The following RAP1GAP2 variants were observed in gnomAD, a reference collection of about 807,000 sequenced individuals.
The protein encoded by RAP1GAP2 is RAP1 GTPase activating protein 2, also known as rap1 GTPase-activating protein 2.
In RAP1GAP2, 27 loss-of-function variants were observed where a neutral mutation model predicts 95.0. That is an observed-to-expected ratio of 0.28 (90% CI 0.21 to 0.39). The LOEUF (loss-of-function observed/expected upper bound fraction) is 0.39, where lower values mean the gene tolerates loss of function less well. Ranked by LOEUF, RAP1GAP2 falls within the 10% of genes least tolerant of loss-of-function variation. The probability of loss-of-function intolerance (pLI) is 1.00; values close to 1 mark genes in which losing one functional copy is unlikely to be tolerated. For synonymous variants in RAP1GAP2, 373 were observed against 380.9 expected, an observed-to-expected ratio of 0.98 and a Z score of 0.24; for missense variants, 771 against 970.0, an observed-to-expected ratio of 0.79 and a Z score of 2.72.
At chr17:2,811,109 G>T (rs990002731) in intron 2 of RAP1GAP2, among the ~76,000 whole-genome samples, 1 of 152,110 alleles carries the variant, frequency 6.6e-6, no homozygotes, top group Non-Finnish European at 1.5e-5. Context: ...ACACTGGAAG[G>T]CTGCTTTTTC....
rs538717532 is a variant in RAP1GAP2, at chr17:2,977,138, GA to G, written c.597-3142del. ...AACTCCATCTCAAAAAAAAAAAAAA[GA>G]AAAAAAGAAAAGAAAAGATACAAAT... On this transcript the variant is annotated intron_variant, in intron 8 of 24. Coordinates refer to ENST00000254695, the MANE Select transcript of RAP1GAP2 (RefSeq NM_015085.5). Among the ~76,000 whole-genome samples the G allele has an allele frequency of 6.0e-3, 876 of 145,976 alleles. 8 individuals are homozygous for G. Among genetic ancestry groups the G allele is most frequent in the African/African-American group, 0.02 (808 of 39,976 alleles).
chr17:2,801,594 G>GGTGTGTGTGTGT (rs1482014787), intron 2 of RAP1GAP2, among the ~76,000 whole-genome samples: 4 of 125,962 alleles, frequency 3.2e-5, no homozygotes, highest in South Asian at 2.8e-4. Flanking sequence ...AACACTCCAG[G>GGTGTGTGTGTGT]GTATGTGTGT....
Position 2,963,835 on chromosome 17 carries a change from C to A in RAP1GAP2, c.280-21C>A. On this transcript the variant is annotated intron_variant, in intron 6 of 24. Transcript: ENST00000254695. The surrounding 1 kb of genome is among the most constrained non-coding windows in gnomAD (Gnocchi z 4.8). ...TCCCCTGCGGTCCCAGGGGAGCGCA[C>A]GACCCTCCCTCTGCCTTCAGGTTGT... is the stretch of plus-strand genomic sequence containing the variant. The A allele has an allele frequency of 6.4e-7, 1 of 1,553,624 alleles. No individual in the cohort carries two copies. Among genetic ancestry groups the A allele is most frequent in the Non-Finnish European group, 8.7e-7 (1 of 1,146,520 alleles).
chr17:2,928,013 C>G (rs899472851), intron 3 of RAP1GAP2, among the ~76,000 whole-genome samples: 2 of 152,166 alleles, frequency 1.3e-5, no homozygotes, highest in African/African-American at 4.8e-5. Flanking sequence ...ACGCTGCAGC[C>G]TAGAGGAGCT....
At chr17:2,772,963 AT>A (rs2068427450), upstream of RAP1GAP2, among the ~76,000 whole-genome samples, 1 of 148,618 alleles carries the variant, frequency 6.7e-6, no homozygotes, top group Non-Finnish European at 1.5e-5. Context: ...GGTTCAAATG[AT>A]TCTCCTGCCT....
At chr17:2,786,948 T>TGG (rs2068795345) in intron 1 of RAP1GAP2, among the ~76,000 whole-genome samples, 1 of 8,296 alleles carries the variant, frequency 1.2e-4, no homozygotes, top group African/African-American at 2.9e-4. Context: ...CTCCCAGCCT[T>TGG]TTTTTTTTTT....
At chr17:2,919,130 C>T (rs908626239) in intron 3 of RAP1GAP2, among the ~76,000 whole-genome samples, 1 of 152,090 alleles carries the variant, frequency 6.6e-6, no homozygotes, top group African/African-American at 2.4e-5. Context: ...GTGTGAGTGG[C>T]CTTCCAAGAG....
intron 2 of RAP1GAP2, among the ~76,000 whole-genome samples, chr17:2,865,286 CT>C (rs2072575921): frequency 1.3e-5 from 2 of 152,172 alleles, no homozygotes; most frequent in South Asian, 4.1e-4. Context: ...GAGTTAAGAA[CT>C]CTGGCACCCT....
intron 1 of RAP1GAP2, among the ~76,000 whole-genome samples, chr17:2,777,665 T>C (rs1258988013): frequency 6.6e-6 from 1 of 152,150 alleles, no homozygotes; most frequent in Non-Finnish European, 1.5e-5. Flanking sequence ...TCATTTGTTT[T>C]CTATAGCTCC....
At chr17:2,799,966 C>G (rs760610309) in intron 1 of RAP1GAP2, among the ~76,000 whole-genome samples, 7 of 152,156 alleles carry the variant, frequency 4.6e-5, no homozygotes, top group Non-Finnish European at 8.8e-5. Flanking sequence ...CTGATACAAC[C>G]CACCAGGGTC....
intron 2 of RAP1GAP2, among the ~76,000 whole-genome samples, chr17:2,876,657 T>C (rs1373372031): frequency 6.6e-6 from 1 of 152,190 alleles, no homozygotes. Context: ...CAAATGTTTC[T>C]TATAGACCTG....
At chr17:2,943,756 G>A (rs1266584332) in intron 3 of RAP1GAP2, among the ~76,000 whole-genome samples, 2 of 152,118 alleles carry the variant, frequency 1.3e-5, no homozygotes, top group African/African-American at 4.8e-5. Context: ...AGACATACAA[G>A]TGGTCAACAG....
chr17:2,992,299 T>G (rs1312220185), intron 12 of RAP1GAP2, among the ~76,000 whole-genome samples: 2 of 151,780 alleles, frequency 1.3e-5, no homozygotes, highest in African/African-American at 4.8e-5. Flanking sequence ...TAGCTGGGAC[T>G]ACAAGGCGCG....
chr17:2,844,542 C>T (rs930869802), intron 2 of RAP1GAP2, among the ~76,000 whole-genome samples: 7 of 152,206 alleles, frequency 4.6e-5, no homozygotes, highest in African/African-American at 1.7e-4. Context: ...TGCAGACCTG[C>T]AGTTGCTCAG....
At chr17:2,917,882 A>G (rs530259868) in intron 3 of RAP1GAP2, among the ~76,000 whole-genome samples, 3 of 148,094 alleles carry the variant, frequency 2.0e-5, no homozygotes, top group African/African-American at 7.5e-5. Context: ...CACCCAGCTA[A>G]TTTATGTATT....
At chr17:2,856,438 A>C (rs533865911) in intron 2 of RAP1GAP2, among the ~76,000 whole-genome samples, 1 of 152,320 alleles carries the variant, frequency 6.6e-6, no homozygotes, top group East Asian at 1.9e-4. Context: ...ACAGGACAGA[A>C]AGGTACAAAG....
intron 3 of RAP1GAP2, among the ~76,000 whole-genome samples, chr17:2,928,379 C>T (rs1313944144): frequency 6.6e-6 from 1 of 152,162 alleles, no homozygotes; most frequent in Non-Finnish European, 1.5e-5. Context: ...TGCTTCCATT[C>T]CCAGGAGGAC....
intron 2 of RAP1GAP2, among the ~76,000 whole-genome samples, chr17:2,901,928 G>A (rs1597562293): frequency 6.6e-6 from 1 of 152,168 alleles, no homozygotes; most frequent in Non-Finnish European, 1.5e-5. Context: ...AGAACCTGGG[G>A]CCTGGGCACT....
At chr17:2,771,049 A>AAAACAAAC (rs146760366) in intron 2 of RAP1GAP2, among the ~76,000 whole-genome samples, 6 of 152,060 alleles carry the variant, frequency 3.9e-5, no homozygotes, top group Admixed American at 6.6e-5. Flanking sequence ...TCTGTTTCAA[A>AAAACAAAC]AAACAAACAA....
Sources: gnomAD v4.1 joint callset for allele counts (sites outside exome capture counted in the v4.1 genomes callset) on GRCh38, gnomAD v4.1.1 for gene constraint, Gnocchi (gnomAD v3.1) non-coding constraint, MANE v1.5 for transcripts, NCBI Gene and HGNC (gene_info 2026-07-23, HGNC 2026-07-21) for gene names.